The following PNPLA6 variants were observed in gnomAD, a reference collection of about 807,000 sequenced individuals.
The protein encoded by PNPLA6 is patatin-like phospholipase domain-containing protein 6.
In PNPLA6, 105 loss-of-function variants were observed where a neutral mutation model predicts 153.7. That is an observed-to-expected ratio of 0.68 (90% confidence interval 0.58 to 0.80). PNPLA6 has a LOEUF of 0.80. PNPLA6 is among the 30% of genes least tolerant of loss of function. The pLI, the probability that PNPLA6 is intolerant of heterozygous loss-of-function variation, is 0.00. For synonymous variants in PNPLA6, 825 were observed against 822.2 expected, an observed-to-expected ratio of 1.00 and a Z score of -0.06; for missense variants, 1,423 against 1,919.3, an observed-to-expected ratio of 0.74 and a Z score of 4.83.
chr19:7,542,907 G>A lies in PNPLA6; in HGVS notation c.1509G>A (p.Leu503=), dbSNP rs747793507. Residue 503 remains leucine, a synonymous_variant, in exon 12 of 32, where the codon CTG becomes CTA. Coordinates refer to ENST00000600737, the MANE Select transcript of PNPLA6 (RefSeq NM_001166114.2). ...SSIFEAAKQE[L]AKLMRIEDPS... ...TCTTCGAGGCAGCAAAGCAGGAGCT[G>A]GCCAAGCTGATGCGGATTGAGGTGG... is the stretch of plus-strand genomic sequence containing the variant. 8.1e-6 allele frequency: 13 copies of A among 1,613,454 alleles called. No individual in the cohort carries two copies. In the African/African-American group the frequency reaches 1.6e-4, roughly 20 times the overall value.
intron 20 of PNPLA6, 34 bp downstream of exon 20, chr19:7,554,306 G>T: frequency 6.3e-7 from 1 of 1,584,304 alleles, no homozygotes; most frequent in Non-Finnish European, 8.7e-7. Context: ...GGAGGGTGGT[G>T]GGTGGGCCTG....
chr19:7,549,495 T>TTC (rs1454935597), intron 13 of PNPLA6, among the ~76,000 whole-genome samples: 1 of 16,472 alleles, frequency 6.1e-5, no homozygotes, highest in African/African-American at 1.3e-4. Flanking sequence ...CTTCTTCTTC[T>TTC]TTTTTTTTTT....
Position 7,561,626 on chromosome 19 carries a change from G to C in PNPLA6, c.*64G>C. ...GACTGGGCTGGGGGTGGCCCCGTGG[G>C]GGTAGCTCACTCCCCCTCCTGCTGC... On this transcript the variant is annotated 3_prime_UTR_variant, in exon 32 of 32. Coordinates refer to ENST00000600737, the MANE Select transcript of PNPLA6 (RefSeq NM_001166114.2). The C allele has an allele frequency of 8.5e-7, 1 of 1,178,428 alleles. No homozygotes were observed. Among genetic ancestry groups the C allele is most frequent in the South Asian group, 1.3e-5 (1 of 76,950 alleles). 73.0% of individuals were successfully genotyped at this position (1,178,428 alleles called of 1,614,324 possible).
chr19:7,537,989 C>T (rs2146043694), intron 3 of PNPLA6, among the ~76,000 whole-genome samples: 1 of 152,006 alleles, frequency 6.6e-6, no homozygotes, highest in East Asian at 1.9e-4. Context: ...TCAAAGTTCC[C>T]CATGATCAGT....
intron 13 of PNPLA6, among the ~76,000 whole-genome samples, chr19:7,543,978 TA>T (rs1162831967): frequency 1.3e-5 from 2 of 151,076 alleles, no homozygotes; most frequent in East Asian, 2.0e-4. Flanking sequence ...CATGCCCGGC[TA>T]ATTTTTTGTA....
At chr19:7,536,323 C>G (rs1343865013) in intron 2 of PNPLA6, 50 bp downstream of exon 2, 7 of 1,492,170 alleles carry the variant, frequency 4.7e-6, no homozygotes, top group Non-Finnish European at 6.5e-6. Flanking sequence ...AGGCCGCGCC[C>G]CTTCCCTATT....
chr19:7,551,160 T>C, intron 17 of PNPLA6, 53 bp downstream of exon 17: 1 of 169,126 alleles, frequency 5.9e-6, no homozygotes, highest in Non-Finnish European at 1.1e-5. Flanking sequence ...TCCGGGGGGG[T>C]GGGGGCCGGG....
chr19:7,552,232 C>T (rs2023681495), intron 18 of PNPLA6, among the ~76,000 whole-genome samples: 2 of 152,208 alleles, frequency 1.3e-5, no homozygotes. Flanking sequence ...GGAGATGTAG[C>T]CCCCTGTTTC....
Position 7,536,446 on chromosome 19 carries a change from C to T in PNPLA6, c.316-3C>T. The T allele has an allele frequency of 6.2e-7, 1 of 1,604,910 alleles. No individual in the cohort carries two copies. Reference sequence around the variant, plus strand: ...TCACCCATCTCCGCCTTCATTCTCCCAGGTGTCACAATCCACCTCCTCCCT... The same window carrying T: ...TCACCCATCTCCGCCTTCATTCTCCTAGGTGTCACAATCCACCTCCTCCCT... On this transcript the variant is annotated splice_polypyrimidine_tract_variant and splice_region_variant and intron_variant, in intron 2 of 31. Transcript: ENST00000600737.
At chr19:7,534,473 C>A (rs116269193), upstream of PNPLA6, 3,596 of 155,400 alleles carry the variant, frequency 0.023, 121 homozygotes, top group African/African-American at 0.07. Flanking sequence ...TCCGGGATTC[C>A]TATCTCCCGG....
chr19:7,539,878 C>T (rs1321651828), intron 3 of PNPLA6, 40 bp from the exon 4 acceptor site: 5 of 1,392,108 alleles, frequency 3.6e-6, no homozygotes, highest in East Asian at 5.0e-5. Context: ...GAGCCTTCTC[C>T]GTGCCCCCCT....
At chr19:7,559,822 T>A (rs2024027649) in intron 28 of PNPLA6, among the ~76,000 whole-genome samples, 1 of 151,558 alleles carries the variant, frequency 6.6e-6, no homozygotes, top group Non-Finnish European at 1.5e-5. Context: ...CCAGCCTGGG[T>A]GACAGAGCAA....
In PNPLA6 at chr19:7,558,880, C is replaced by T. The variant is rs142294971; in HGVS notation, c.3428C>T (p.Thr1143Met). ...ADIARSMGAKTVIAIDVGSQD... is the reference protein window; with the variant it reads ...ADIARSMGAKMVIAIDVGSQD... ...ATCGCCCGCAGCATGGGTGCCAAAACGGTCATCGCCATTGACGTGGGGAGC... is the reference window on the plus strand; with the variant it reads ...ATCGCCCGCAGCATGGGTGCCAAAATGGTCATCGCCATTGACGTGGGGAGC... Residue 1143 changes from threonine (T) to methionine (M), a missense_variant, in exon 28 of 32, where the codon ACG becomes ATG. By Grantham distance (81) the Thr-to-Met change is moderately conservative. Around this residue, in one of 10 missense-constraint regions of PNPLA6, gnomAD observed 643 missense variants for 835.2 expected, o/e 0.77. Coordinates refer to ENST00000600737, the MANE Select transcript of PNPLA6 (RefSeq NM_001166114.2). The T allele has an allele frequency of 6.1e-5, 99 of 1,612,690 alleles. 1 individual carries two copies. In the East Asian group the frequency reaches 6.9e-4, roughly 11 times the overall value.
chr19:7,554,675 C>T lies in PNPLA6; in HGVS notation c.2586C>T (p.Asp862=), dbSNP rs756604796. 1.2e-6 allele frequency: 2 copies of T among 1,613,796 alleles called. No homozygotes were observed. The highest frequency in any genetic ancestry group is 2.7e-5 in the African/African-American group (2 of 74,914). The part of the protein sequence containing the change: ...PWTVRCLRQA[D]CILIVGLGDQ... The stretch of plus-strand genomic sequence containing the variant: ...CCGTGCGCTGCCTGCGACAGGCCGA[C>T]TGCATCCTCATTGTGGGCCTGGGGG... Residue 862 remains aspartate, a synonymous_variant, in exon 21 of 32, where the codon GAC becomes GAT. Transcript: ENST00000600737.
intron 13 of PNPLA6, 85 bp from the exon 14 acceptor site, chr19:7,549,821 TA>T: frequency 7.5e-7 from 1 of 1,335,332 alleles, no homozygotes. Flanking sequence ...CTTTCTTCTT[TA>T]ATTTTTTCCT....
rs186667696 is a variant in PNPLA6 at position 7,560,168 on chromosome 19, A to G, written c.3700-480A>G. ...AAAATAATATTAATTTTAAAAATTAAAGATAAAAATAATAAAAATTTTTTT... is the reference window on the plus strand; with the variant it reads ...AAAATAATATTAATTTTAAAAATTAGAGATAAAAATAATAAAAATTTTTTT... On this transcript the variant is annotated intron_variant, in intron 28 of 31. Coordinates refer to ENST00000600737, the MANE Select transcript of PNPLA6 (RefSeq NM_001166114.2). Among the ~76,000 whole-genome samples the G allele has an allele frequency of 5.9e-4, 90 of 152,262 alleles. No individual in the cohort carries two copies. The Middle Eastern group carries it at 0.01, about 17-fold the overall frequency.
At chr19:7,554,327 T>G in intron 20 of PNPLA6, 55 bp downstream of exon 20, 1 of 1,517,778 alleles carries the variant, frequency 6.6e-7, no homozygotes, top group South Asian at 1.1e-5. Context: ...GAGCCTCAAA[T>G]TCTTTCAGAC....
intron 13 of PNPLA6, 131 bp from the exon 14 acceptor site, chr19:7,549,776 C>G: frequency 1.1e-6 from 1 of 895,054 alleles, no homozygotes; most frequent in Non-Finnish European, 1.8e-6. Flanking sequence ...CGTGAGCCAC[C>G]GCGCCCTGCG....
chr19:7,560,170 GATAAAA>G (rs1283682563), intron 28 of PNPLA6, among the ~76,000 whole-genome samples: 1 of 151,212 alleles, frequency 6.6e-6, no homozygotes, highest in African/African-American at 2.4e-5. Flanking sequence ...AAAAATTAAA[GATAAAA>G]ATAATAAAAA....
Sources: allele counts gnomAD v4.1 joint callset (sites outside exome capture counted in the v4.1 genomes callset), GRCh38; gene constraint gnomAD v4.1.1; regional missense constraint gnomAD v4.1.1; transcripts MANE v1.5; gene names NCBI Gene and HGNC (gene_info 2026-07-23, HGNC 2026-07-21).